Variants in NUBP2 observed in about 807,000 individuals in gnomAD.
NUBP2 encodes NUBP iron-sulfur cluster assembly factor 2, cytosolic.
NUBP2 carries 23 observed loss-of-function variants against 24.9 expected under a neutral mutation model. The observed-to-expected ratio is 0.92, with a 90% CI of 0.66 to 1.31. The LOEUF is 1.31. Ranked by LOEUF, NUBP2 falls within the 50% of genes most tolerant of loss-of-function variation. The pLI is 0.00. For synonymous variants in NUBP2, 186 were observed against 170.9 expected, an observed-to-expected ratio of 1.09 and a Z score of -0.69; for missense variants, 403 against 386.5, an observed-to-expected ratio of 1.04 and a Z score of -0.36.
chr16:1,788,479 G>A, intron 6 of NUBP2, 90 bp from the exon 7 acceptor site: 1 of 1,455,290 alleles, frequency 6.9e-7, no homozygotes, highest in Non-Finnish European at 9.1e-7. Flanking sequence ...TCCCCTCTAA[G>A]GCCACGGGTG....
chr16:1,787,730 G>A lies in NUBP2; in HGVS notation c.388G>A (p.Val130Met). 1 of 1,612,694 alleles carries A rather than the reference G, an allele frequency of 6.2e-7. No individual in the cohort carries two copies. The highest frequency in any genetic ancestry group is 8.5e-7 in the Non-Finnish European group (1 of 1,179,928). Reference protein sequence around the residue: ...DVAWGELDYLVVDTPPGTSDE... With the variant: ...DVAWGELDYLMVDTPPGTSDE... ...GGCCTGGGGGGAGCTGGACTACCTGGTGGTGGACACGCCCCCGGGGACCTC... is the reference window on the plus strand; with the variant it reads ...GGCCTGGGGGGAGCTGGACTACCTGATGGTGGACACGCCCCCGGGGACCTC... Residue 130 changes from valine (V) to methionine (M), a missense_variant, in exon 4 of 7, where the codon GTG becomes ATG. Coordinates refer to ENST00000262302, the MANE Select transcript of NUBP2 (RefSeq NM_012225.4).
chr16:1,785,335 C>T, intron 1 of NUBP2: 1 of 1,090,008 alleles, frequency 9.2e-7, no homozygotes, highest in Non-Finnish European at 1.1e-6. Flanking sequence ...GTCCCGGTTC[C>T]TGACACTAAG....
chr16:1,785,260 C>G (rs1194052480), intron 1 of NUBP2: 1 of 1,025,866 alleles, frequency 9.7e-7, no homozygotes, highest in African/African-American at 1.7e-5. Context: ...TGCTGACAAT[C>G]TGCTTAGGAG....
At chr16:1,788,287 A>G (rs1897086412) in intron 6 of NUBP2, 80 bp downstream of exon 6, 3 of 1,329,220 alleles carry the variant, frequency 2.3e-6, no homozygotes, top group Admixed American at 6.1e-5. Flanking sequence ...CCATGCCCCC[A>G]GTGCCCAAGG....
Position 1,788,336 on chromosome 16 carries a change from G to A in NUBP2, c.670+129G>A, listed in dbSNP as rs28568973. On this transcript the variant is annotated intron_variant, in intron 6 of 6. Coordinates refer to ENST00000262302, the MANE Select transcript of NUBP2 (RefSeq NM_012225.4). ...GGGAGCGGTTTCCTCCTCTCTTCTC[G>A]GGCCACACGCCATGCCGCTGAGACC... 0.12 allele frequency: 132,544 copies of A among 1,102,728 alleles called. 8,496 individuals carry two copies. Among genetic ancestry groups the A allele is most frequent in the East Asian group, 0.18 (6,632 of 36,344 alleles). 68.3% of individuals were successfully genotyped at this position (1,102,728 alleles called of 1,614,324 possible). A position where few individuals can be genotyped will look rare whatever the true frequency, so the allele number is the denominator to read the frequency against.
chr16:1,785,664 C>G, intron 1 of NUBP2: 1 of 1,288,840 alleles, frequency 7.8e-7, no homozygotes, highest in Non-Finnish European at 1.0e-6. Flanking sequence ...GCTGCCTTTT[C>G]CGCGTCCCCT....
intron 1 of NUBP2, chr16:1,783,357 G>C (rs1305907221): frequency 9.1e-7 from 1 of 1,095,794 alleles, no homozygotes; most frequent in Non-Finnish European, 1.1e-6. Flanking sequence ...CCTGGAGGTC[G>C]CGGTTGCAAC....
chr16:1,788,566 C>A lies in NUBP2; in HGVS notation c.671-3C>A, dbSNP rs766499923. On this transcript the variant is annotated splice_polypyrimidine_tract_variant and splice_region_variant and intron_variant, in intron 6 of 6. Transcript: ENST00000262302. ...GCGCCACCGCCTCCACTGTGCCCTGCAGGCTCCGTGCCCCTGGACCCTGCG... is the reference window on the plus strand; with the variant it reads ...GCGCCACCGCCTCCACTGTGCCCTGAAGGCTCCGTGCCCCTGGACCCTGCG... The A allele has an allele frequency of 6.2e-7, 1 of 1,600,920 alleles. No homozygotes were observed.
In NUBP2 at chr16:1,787,937, G is replaced by C; in HGVS notation, c.490-4G>C. 2 of 1,604,028 alleles carry C rather than the reference G, an allele frequency of 1.2e-6. No homozygotes were observed. Among genetic ancestry groups the C allele is most frequent in the Non-Finnish European group, 8.5e-7 (1 of 1,176,294 alleles). On this transcript the variant is annotated splice_polypyrimidine_tract_variant and splice_region_variant and intron_variant, in intron 4 of 6. Coordinates refer to ENST00000262302, the MANE Select transcript of NUBP2 (RefSeq NM_012225.4). ...TGACCGTGGCCTCGGCTCCTGCCCC[G>C]CAGGCGGTGTCCGTGGGGGACGTGA...
intron 3 of NUBP2, 93 bp from the exon 4 acceptor site, chr16:1,787,584 C>A (rs975993195): frequency 6.7e-7 from 1 of 1,502,356 alleles, no homozygotes. Context: ...TGGACTGCAG[C>A]CCCTCGGCCT....
intron 1 of NUBP2, chr16:1,786,069 T>C (rs1896951656): frequency 1.9e-6 from 2 of 1,049,540 alleles, no homozygotes; most frequent in Admixed American, 3.9e-5. Context: ...GACGCTGGTG[T>C]GTGACAACGC....
intron 4 of NUBP2, 48 bp downstream of exon 4, chr16:1,787,879 G>A (rs1167784426): frequency 1.9e-6 from 3 of 1,601,472 alleles, no homozygotes; most frequent in Non-Finnish European, 2.6e-6. Flanking sequence ...CTTCCCAGAG[G>A]GCTGGGCGGG....
At chr16:1,785,493 G>A in intron 1 of NUBP2, 1 of 1,192,096 alleles carries the variant, frequency 8.4e-7, no homozygotes. Context: ...GCCTGACAGA[G>A]TCCCCGGCAG....
chr16:1,785,084 A>C, intron 1 of NUBP2: 2 of 985,684 alleles, frequency 2.0e-6, no homozygotes, highest in Non-Finnish European at 2.4e-6. Flanking sequence ...GTAAAAATAT[A>C]TTTGTCCACC....
At chr16:1,787,011 G>C in intron 3 of NUBP2, 56 bp downstream of exon 3, 1 of 1,426,430 alleles carries the variant, frequency 7.0e-7, no homozygotes, top group Non-Finnish European at 9.2e-7. Context: ...CGTCCGTGCC[G>C]GCCTCTCCTG....
At chr16:1,785,591 C>G in intron 1 of NUBP2, 1 of 1,274,994 alleles carries the variant, frequency 7.8e-7, no homozygotes, top group African/African-American at 1.5e-5. Flanking sequence ...CCTTTTATTG[C>G]CCCAGGGGTG....
Position 1,786,853 on chromosome 16 carries a change from C to T in NUBP2, c.232C>T (p.Pro78Ser). The change falls in exon 3 of 7, where the codon CCC becomes TCC. Residue 78 changes from proline to serine, a missense_variant. Transcript: ENST00000262302. ...GCACCAGTGCGACCGCGGCTGGGCA[C>T]CCGTCTTCCTGGACCGGGAGCAGAG... ...AVHQCDRGWA[P>S]VFLDREQSIS... 6.3e-7 allele frequency: 1 copy of T among 1,594,316 alleles called. No homozygotes were observed. Among genetic ancestry groups the T allele is most frequent in the Non-Finnish European group, 8.6e-7 (1 of 1,166,526 alleles).
At chr16:1,786,249 C>T (rs1383278219) in intron 1 of NUBP2, 5 of 486,236 alleles carry the variant, frequency 1.0e-5, no homozygotes, top group East Asian at 3.6e-5. Context: ...AACGCATGCA[C>T]CCTTCCACAC....
chr16:1,785,441 G>A (rs941150108), intron 1 of NUBP2: 5 of 1,180,594 alleles, frequency 4.2e-6, no homozygotes, highest in South Asian at 3.2e-5. Flanking sequence ...TAACACTGCC[G>A]CTGGTGCCAG....
Sources: allele counts gnomAD v4.1 joint callset, GRCh38; gene constraint gnomAD v4.1.1; transcripts MANE v1.5; gene names NCBI Gene and HGNC (gene_info 2026-07-23, HGNC 2026-07-21).